ST6GALNAC3: variants seen among roughly 807,000 people sequenced by gnomAD.
ST6GALNAC3 encodes the protein ST6 N-acetylgalactosaminide alpha-2,6-sialyltransferase 3.
A neutral mutation model predicts 32.7 loss-of-function variants in ST6GALNAC3; 25 were observed. The ratio of observed to expected loss-of-function variants is 0.76; its 90% confidence interval spans 0.56 to 1.07. ST6GALNAC3 has a LOEUF of 1.07. Among genes scored for constraint, ST6GALNAC3 ranks in the 50% least tolerant of loss-of-function variants. The pLI, the probability that ST6GALNAC3 is intolerant of heterozygous loss-of-function variation, is 0.00. For missense variants in ST6GALNAC3, 355 were observed against 382.4 expected, an observed-to-expected ratio of 0.93 and a Z score of 0.60; for synonymous variants, 129 against 133.1, an observed-to-expected ratio of 0.97 and a Z score of 0.21.
intron 2 of ST6GALNAC3, among the ~76,000 whole-genome samples, chr1:76,337,935 G>C (rs1420767984): frequency 1.3e-5 from 2 of 152,140 alleles, no homozygotes; most frequent in African/African-American, 4.8e-5. Context: ...ACTCAGGCAA[G>C]GCATTAACAG....
chr1:76,203,757 C>A (rs72675912), intron 1 of ST6GALNAC3, among the ~76,000 whole-genome samples: 12,765 of 151,844 alleles, frequency 0.084, 588 homozygotes, highest in African/African-American at 0.12. Context: ...ATAAAATTAC[C>A]TAATAGGTAT....
intron 3 of ST6GALNAC3, among the ~76,000 whole-genome samples, chr1:76,475,004 A>T (rs1163694748): frequency 6.6e-6 from 1 of 152,186 alleles, no homozygotes; most frequent in African/African-American, 2.4e-5. Flanking sequence ...CAATGGAAGG[A>T]TAAGAGATGC....
Position 76,380,042 on chromosome 1 carries a change from C to T in ST6GALNAC3, c.214-31966C>T, listed in dbSNP as rs149014076. On this transcript the variant is annotated intron_variant, in intron 2 of 4. Transcript: ENST00000328299. The stretch of plus-strand genomic sequence containing the variant: ...CAAATAAATAAAGAAAAACATATGG[C>T]AGCTAAGTCATATCAATCTACATTA... Among the ~76,000 whole-genome samples the T allele has an allele frequency of 2.7e-4, 41 of 152,154 alleles. No homozygotes were observed. The East Asian group carries it at 7.6e-3, about 28-fold the overall frequency.
At chr1:76,401,430 CA>C (rs1461999382) in intron 2 of ST6GALNAC3, among the ~76,000 whole-genome samples, 1 of 152,108 alleles carries the variant, frequency 6.6e-6, no homozygotes, top group Non-Finnish European at 1.5e-5. Flanking sequence ...CACTAGACTC[CA>C]ATCTCATTGA....
chr1:76,566,794 A>G (rs1665580545), intron 3 of ST6GALNAC3, among the ~76,000 whole-genome samples: 1 of 152,188 alleles, frequency 6.6e-6, no homozygotes, highest in East Asian at 1.9e-4. Flanking sequence ...AAAATATATT[A>G]CATGAGAGGA....
chr1:76,381,167 C>T lies in ST6GALNAC3; in HGVS notation c.214-30841C>T, dbSNP rs1281834455. ...TATTGTTAGAAAATAGTTTGGGCTGCTAAAAAAAAAAAAAAAAAAGAAAAA... is the reference window on the plus strand; with the variant it reads ...TATTGTTAGAAAATAGTTTGGGCTGTTAAAAAAAAAAAAAAAAAAGAAAAA... On this transcript the variant is annotated intron_variant, in intron 2 of 4. Transcript: ENST00000328299. 4.9e-4 allele frequency among the ~76,000 whole-genome samples: 34 copies of T among 69,118 alleles called. No individual in the cohort carries two copies. In the Admixed American group the frequency reaches 6.1e-3, roughly 12 times the overall value. 45.3% of individuals were successfully genotyped at this position (69,118 alleles called of 152,430 possible). A position where few individuals can be genotyped will look rare whatever the true frequency, so the allele number is the denominator to read the frequency against.
intron 3 of ST6GALNAC3, among the ~76,000 whole-genome samples, chr1:76,505,141 T>C (rs1557501045): frequency 6.6e-6 from 1 of 151,786 alleles, no homozygotes; most frequent in Non-Finnish European, 1.5e-5. Flanking sequence ...TTTTTTTTTT[T>C]CAGACAGAGT....
In ST6GALNAC3 at chr1:76,074,754, G is replaced by C. The variant is rs561744680; in HGVS notation, c.-113G>C. ...CCGCGGTCCCCTTATTTGGATCTGC[G>C]GGAATGTGGGCTGGAGAGGTCCTGC... is the stretch of plus-strand genomic sequence containing the variant. On this transcript the variant is annotated 5_prime_UTR_variant, in exon 1 of 5. Coordinates refer to ENST00000328299, the MANE Select transcript of ST6GALNAC3 (RefSeq NM_152996.4). 8.4e-7 allele frequency: 1 copy of C among 1,189,304 alleles called. No individual in the cohort carries two copies. Among genetic ancestry groups the C allele is most frequent in the East Asian group, 2.8e-5 (1 of 35,252 alleles). 73.7% of individuals were successfully genotyped at this position (1,189,304 alleles called of 1,614,324 possible). A position where few individuals can be genotyped will look rare whatever the true frequency, so the allele number is the denominator to read the frequency against.
chr1:76,341,809 A>G (rs1648063343), intron 2 of ST6GALNAC3, among the ~76,000 whole-genome samples: 1 of 151,782 alleles, frequency 6.6e-6, no homozygotes, highest in South Asian at 2.1e-4. Flanking sequence ...TGCTGCACCC[A>G]TCAACCTGTC....
chr1:76,465,650 C>A (rs1049034813), intron 3 of ST6GALNAC3, among the ~76,000 whole-genome samples: 31 of 152,156 alleles, frequency 2.0e-4, no homozygotes, highest in African/African-American at 7.2e-4. Flanking sequence ...ATTAGCCAAA[C>A]ACTGAGCACA....
At chr1:76,385,381 T>C (rs1308970431) in intron 2 of ST6GALNAC3, among the ~76,000 whole-genome samples, 1 of 152,130 alleles carries the variant, frequency 6.6e-6, no homozygotes, top group African/African-American at 2.4e-5. Context: ...CTATATTACA[T>C]GTAGGGTAGT....
At chr1:76,312,968 C>G (rs1391824043) in intron 1 of ST6GALNAC3, among the ~76,000 whole-genome samples, 1 of 152,180 alleles carries the variant, frequency 6.6e-6, no homozygotes, top group Non-Finnish European at 1.5e-5. Context: ...TGCTTTCTCT[C>G]TTCTCAATCG....
At chr1:76,571,442 T>C (rs906037467) in intron 3 of ST6GALNAC3, among the ~76,000 whole-genome samples, 2 of 152,022 alleles carry the variant, frequency 1.3e-5, no homozygotes, top group African/African-American at 2.4e-5. Context: ...GTTGAAATAT[T>C]TTCACAGCCA....
chr1:76,612,760 A>G (rs1570447245), intron 3 of ST6GALNAC3, among the ~76,000 whole-genome samples: 1 of 152,236 alleles, frequency 6.6e-6, no homozygotes, highest in Non-Finnish European at 1.5e-5. Context: ...GAGAATTGCT[A>G]CAAACCCAGC....
chr1:76,183,338 T>A (rs1182613054), intron 1 of ST6GALNAC3, among the ~76,000 whole-genome samples: 1 of 152,194 alleles, frequency 6.6e-6, no homozygotes, highest in Non-Finnish European at 1.5e-5. Flanking sequence ...AGCCTCAATG[T>A]CTTCTTTTTT....
rs1649406024 is a variant in ST6GALNAC3 at position 76,633,682 on chromosome 1, C to T, written c.*4876C>T. 6.6e-6 allele frequency: 1 copy of T among 152,208 alleles called. No homozygotes were observed. The highest frequency in any genetic ancestry group is 6.5e-5 in the Admixed American group (1 of 15,282). The allele number at this position is 152,208 out of a possible 1,614,324, so 9.4% of individuals were successfully genotyped here. On this transcript the variant is annotated 3_prime_UTR_variant, in exon 5 of 5. Coordinates refer to ENST00000328299, the MANE Select transcript of ST6GALNAC3 (RefSeq NM_152996.4). ...ATTATCCATCAGCACTAACACCACC[C>T]TTTGGGTTCATGCTCATCCCTGCAC...
Position 76,620,180 on chromosome 1 carries a change from T to A in ST6GALNAC3, c.624-7272T>A, listed in dbSNP as rs540167885. On this transcript the variant is annotated intron_variant, in intron 3 of 4. Coordinates refer to ENST00000328299, the MANE Select transcript of ST6GALNAC3 (RefSeq NM_152996.4). ...GATGAGAGTAAACGGAATTGCAGCT[T>A]GATATATAAGATTGAAAACTGGAGA... Among the ~76,000 whole-genome samples, 4 of 152,074 alleles carry A rather than the reference T, an allele frequency of 2.6e-5. No homozygotes were observed. In the South Asian group the frequency reaches 8.3e-4, roughly 32 times the overall value.
chr1:76,311,397 A>G (rs533497651), intron 1 of ST6GALNAC3, among the ~76,000 whole-genome samples: 1 of 152,164 alleles, frequency 6.6e-6, no homozygotes, highest in Admixed American at 6.5e-5. Context: ...AGTCACCTAC[A>G]TAAGGTATTT....
At chr1:76,173,699 A>G (rs1652668211) in intron 1 of ST6GALNAC3, among the ~76,000 whole-genome samples, 1 of 152,260 alleles carries the variant, frequency 6.6e-6, no homozygotes, top group Admixed American at 6.5e-5. Flanking sequence ...ACTTTTCAAA[A>G]GAAGACATTT....
Sources: allele counts gnomAD v4.1 joint callset (sites outside exome capture counted in the v4.1 genomes callset), GRCh38; gene constraint gnomAD v4.1.1; transcripts MANE v1.5; gene names NCBI Gene and HGNC (gene_info 2026-07-23, HGNC 2026-07-21).